CACNA1S: variants seen among roughly 807,000 people sequenced by gnomAD.
CACNA1S encodes the protein calcium voltage-gated channel subunit alpha1 S, also known as voltage-dependent L-type calcium channel subunit alpha-1S.
In CACNA1S, 126 loss-of-function variants were observed where a neutral mutation model predicts 207.4. The observed-to-expected ratio is 0.61, with a 90% CI of 0.53 to 0.70. The LOEUF is 0.70. CACNA1S is among the 30% of genes least tolerant of loss of function. The pLI, the probability that CACNA1S is intolerant of heterozygous loss-of-function variation, is 0.00. For synonymous variants in CACNA1S, 960 were observed against 932.7 expected (o/e 1.03, Z -0.53); for missense variants, 2,349 against 2,422.8 (o/e 0.97, Z 0.64).
chr1:201,069,681 G>A lies in CACNA1S; in HGVS notation c.2361-80C>T, dbSNP rs151243896. On this transcript the variant is annotated intron_variant, in intron 17 of 43. Transcript: ENST00000362061. The stretch of plus-strand genomic sequence containing the variant: ...CCTCATCAGCCTCCATCCTGCGGAC[G>A]AACATGGAATACACCTCCTGCTCCT... The A allele has an allele frequency of 2.4e-3, 3,599 of 1,504,276 alleles. 13 individuals are homozygous for A. The highest frequency in any genetic ancestry group is 2.7e-3 in the Non-Finnish European group (2,998 of 1,108,206). The allele number at this position is 1,504,276 out of a possible 1,614,324, so 93.2% of individuals were successfully genotyped here. A position where few individuals can be genotyped will look rare whatever the true frequency, so the allele number is the denominator to read the frequency against.
At chr1:201,041,315 C>T (rs1270751393) in intron 41 of CACNA1S, among the ~76,000 whole-genome samples, 189 bp downstream of exon 41, 1 of 152,152 alleles carries the variant, frequency 6.6e-6, no homozygotes, top group Non-Finnish European at 1.5e-5. Context: ...TAGATGGTGC[C>T]CTGCTTCCCC....
At chr1:201,078,517 CAAAAA>C (rs10581578) in intron 10 of CACNA1S, among the ~76,000 whole-genome samples, 8,973 of 121,732 alleles carry the variant, frequency 0.074, 393 homozygotes, top group Admixed American at 0.11. Context: ...AAATTAGCTT[CAAAAA>C]AAAAAAAAAA....
Position 201,112,238 on chromosome 1 carries a change from C to T in CACNA1S, c.102G>A (p.Leu34=). ...CCTTCCTCAGGGGGTTCTCCAGGGT[C>T]AGGCAGAACAAGGCCCGGGGTGGCC... ...LPRPPRALFC[L]TLENPLRKAC... The change falls in exon 1 of 44, where the codon CTG becomes CTA. Residue 34 remains leucine (L), a synonymous_variant. Coordinates refer to ENST00000362061, the MANE Select transcript of CACNA1S (RefSeq NM_000069.3). 2 of 1,614,010 alleles carry T rather than the reference C, an allele frequency of 1.2e-6. No homozygotes were observed. The highest frequency in any genetic ancestry group is 2.2e-5 in the South Asian group (2 of 91,078).
At position 201,074,546 on chromosome 1, in the gene CACNA1S, T is replaced by C. The variant is rs1553251291; in HGVS notation, c.2023A>G (p.Lys675Glu). The C allele has an allele frequency of 6.2e-7, 1 of 1,614,060 alleles. No individual in the cohort carries two copies. Among genetic ancestry groups the C allele is most frequent in the Non-Finnish European group, 8.5e-7 (1 of 1,179,920 alleles). The change falls in exon 14 of 44, where the codon AAG becomes GAG. Residue 675 changes from lysine (K) to glutamate (E), a missense_variant. Transcript: ENST00000362061. Reference protein sequence around the residue: ...AEAESLTSAQKAKAEEKKRRK... With the variant: ...AEAESLTSAQEAKAEEKKRRK... ...CGTTTTTTCTCCTCAGCCTTGGCCTTCTGGGCAGAAGTCAGGCTCTCCGCC... is the reference window on the plus strand; with the variant it reads ...CGTTTTTTCTCCTCAGCCTTGGCCTCCTGGGCAGAAGTCAGGCTCTCCGCC...
chr1:201,062,440 C>T (rs1558063057), intron 23 of CACNA1S, 22 bp downstream of exon 23: 3 of 1,612,140 alleles, frequency 1.9e-6, no homozygotes, highest in South Asian at 1.1e-5. Flanking sequence ...GACCGTCCCA[C>T]TGTGCTCCCT....
In CACNA1S at chr1:201,077,898, T is replaced by C; in HGVS notation, c.1600A>G (p.Arg534Gly). The C allele has an allele frequency of 1.2e-6, 2 of 1,613,814 alleles. No individual in the cohort carries two copies. The highest frequency in any genetic ancestry group is 1.7e-6 in the Non-Finnish European group (2 of 1,179,722). ...ACTCACTTGGTGATCTTGAAGATCC[T>C]CAGGAGGCGGATGCAGCGGAGCACG... is the stretch of plus-strand genomic sequence containing the variant. Reference protein sequence around the residue: ...ISVLRCIRLLRIFKITKYWTS... With the variant: ...ISVLRCIRLLGIFKITKYWTS... Residue 534 changes from arginine to glycine, a missense_variant, in exon 11 of 44, where the codon AGG (arginine) becomes GGG (glycine). Physicochemically the swap from Arg to Gly is moderately radical, Grantham distance 125. Transcript: ENST00000362061.
Position 201,053,635 on chromosome 1 carries a change from G to A in CACNA1S, c.3667-48C>T, listed in dbSNP as rs1053315481. 2 of 1,602,372 alleles carry A rather than the reference G, an allele frequency of 1.2e-6. No individual in the cohort carries two copies. Among genetic ancestry groups the A allele is most frequent in the Non-Finnish European group, 1.7e-6 (2 of 1,170,084 alleles). ...GTCAGTCTGGGGGCAGAACCTCAGA[G>A]GGGTAAGGGGCAGGGCGGGGAGGGA... On this transcript the variant is annotated intron_variant, in intron 29 of 43. Coordinates refer to ENST00000362061, the MANE Select transcript of CACNA1S (RefSeq NM_000069.3). This position sits in a 1 kb window ranked among gnomAD's most constrained non-coding sequence, Gnocchi z 5.1.
chr1:201,044,183 T>C (rs889343412), intron 39 of CACNA1S, 145 bp downstream of exon 39: 16 of 862,760 alleles, frequency 1.9e-5, no homozygotes, highest in Admixed American at 1.2e-4. Context: ...CCAGGAGAGG[T>C]GGGTGGTGAA....
rs531717137 is a variant in CACNA1S, at chr1:201,065,961, C to T, written c.2746-16G>A. The T allele has an allele frequency of 7.7e-4, 1,198 of 1,560,244 alleles. 15 individuals carry two copies. In the South Asian group the frequency reaches 0.013, roughly 17 times the overall value. ...GCACCACGTGCTGGGGACAGAGGGG[C>T]CAATGGGGACTGGGGGTGCACCCAC... is the stretch of plus-strand genomic sequence containing the variant. On this transcript the variant is annotated splice_polypyrimidine_tract_variant and intron_variant, in intron 21 of 43. Transcript: ENST00000362061.
At position 201,062,466 on chromosome 1, in the gene CACNA1S, ACTC is replaced by A; in HGVS notation, c.2899_2901del (p.Glu967del). On this transcript the variant is annotated inframe_deletion, in exon 23 of 44. Transcript: ENST00000362061. Reference sequence around the variant, plus strand: ...TGTGCTCCCTGCCCCATGTACCTGCACTCCTCCTCTGTCATCTTGGACAAGTCG... The same window carrying A: ...TGTGCTCCCTGCCCCATGTACCTGCACTCCTCTGTCATCTTGGACAAGTCG... 2 of 1,610,870 alleles carry A rather than the reference ACTC, an allele frequency of 1.2e-6. No homozygotes were observed. The highest frequency in any genetic ancestry group is 1.7e-6 in the Non-Finnish European group (2 of 1,179,208).
intron 1 of CACNA1S, among the ~76,000 whole-genome samples, 164 bp from the exon 2 acceptor site, chr1:201,110,433 T>C (rs1057152372): frequency 6.6e-6 from 1 of 152,110 alleles, no homozygotes; most frequent in African/African-American, 2.4e-5. Flanking sequence ...CCCTGCAGGG[T>C]ACAGTGAGGA....
Position 201,051,074 on chromosome 1 carries a change from C to T in CACNA1S, c.4023G>A (p.Glu1341=), listed in dbSNP as rs753756026. 8 of 1,614,250 alleles carry T rather than the reference C, an allele frequency of 5.0e-6. 1 individual carries two copies. The South Asian group carries it at 8.8e-5, about 18-fold the overall frequency. The change falls in exon 33 of 44, where the codon GAG becomes GAA. Residue 1341 remains glutamate (E), a synonymous_variant. Coordinates refer to ENST00000362061, the MANE Select transcript of CACNA1S (RefSeq NM_000069.3). ...ACTCCTCCCCTGGGGCATAGTCCGA[C>T]TCTGGGTCACACAGCTTCCCATAGC... The part of the protein sequence containing the change: ...ACSYGKLCDP[E]SDYAPGEEYT...
chr1:201,081,742 C>T (rs997314676), intron 10 of CACNA1S, among the ~76,000 whole-genome samples: 2 of 152,216 alleles, frequency 1.3e-5, no homozygotes, highest in African/African-American at 4.8e-5. Context: ...ACAGATTCCT[C>T]ATGAATGGCT....
intron 2 of CACNA1S, among the ~76,000 whole-genome samples, chr1:201,103,430 A>G (rs896803080): frequency 2.7e-5 from 3 of 112,784 alleles, no homozygotes; most frequent in Non-Finnish European, 5.8e-5. Flanking sequence ...GCTTTCCTCC[A>G]AGGCTTTCCT....
Position 201,070,368 on chromosome 1 carries a change from C to T in CACNA1S, c.2264G>A (p.Ser755Asn). The change falls in exon 17 of 44, where the codon AGC becomes AAC. Residue 755 changes from serine (S) to asparagine (N), a missense_variant. Physicochemically the swap from Ser to Asn is conservative, Grantham distance 46. Coordinates refer to ENST00000362061, the MANE Select transcript of CACNA1S (RefSeq NM_000069.3). ...CTCAGCCAGGGGACGTGGTCGGGGG[C>T]TCAGCGGGATCTCAGGCTCATCTTC... ...DEEDEPEIPL[S>N]PRPRPLAELQ... 6.2e-7 allele frequency: 1 copy of T among 1,614,088 alleles called. No individual in the cohort carries two copies. The highest frequency in any genetic ancestry group is 1.1e-5 in the South Asian group (1 of 91,076).
Position 201,110,263 on chromosome 1 carries a change from G to C in CACNA1S, c.159C>G (p.Phe53Leu), listed in dbSNP as rs199720439. 2 of 1,614,030 alleles carry C rather than the reference G, an allele frequency of 1.2e-6. No individual in the cohort carries two copies. The highest frequency in any genetic ancestry group is 2.7e-5 in the African/African-American group (2 of 74,942). Reference protein sequence around the residue: ...ACISIVEWKPFETIILLTIFA... With the variant: ...ACISIVEWKPLETIILLTIFA... ...AGATGGTGAGCAAGATGATCGTCTCGAAGGGCCTGGAGCCAGGGTTAAGGA... is the reference window on the plus strand; with the variant it reads ...AGATGGTGAGCAAGATGATCGTCTCCAAGGGCCTGGAGCCAGGGTTAAGGA... Residue 53 changes from phenylalanine to leucine, a missense_variant, in exon 2 of 44, where the codon TTC becomes TTG. Phe to Leu is a conservative substitution (Grantham distance 22, BLOSUM62 0). Transcript: ENST00000362061.
intron 10 of CACNA1S, among the ~76,000 whole-genome samples, chr1:201,078,712 A>G (rs1360846952): frequency 6.6e-6 from 1 of 151,850 alleles, no homozygotes; most frequent in Non-Finnish European, 1.5e-5. Context: ...AAGCCAATCC[A>G]TCCTCCCACG....
chr1:201,078,893 C>A (rs1282158255), intron 10 of CACNA1S, among the ~76,000 whole-genome samples: 2 of 151,976 alleles, frequency 1.3e-5, no homozygotes, highest in African/African-American at 4.8e-5. Flanking sequence ...GAGGTCGAGG[C>A]GGGTGGATCA....
chr1:201,112,134 A>C, intron 1 of CACNA1S, 54 bp downstream of exon 1: 102 of 1,498,242 alleles, frequency 6.8e-5, no homozygotes, highest in Non-Finnish European at 8.9e-5. Context: ...GATCACCCCG[A>C]ATCCCTCCCT....
Sources: gnomAD v4.1 joint callset for allele counts (sites outside exome capture counted in the v4.1 genomes callset) on GRCh38, gnomAD v4.1.1 for gene constraint, Gnocchi (gnomAD v3.1) non-coding constraint, MANE v1.5 for transcripts, NCBI Gene and HGNC (gene_info 2026-07-23, HGNC 2026-07-21) for gene names.